The following BACE2 variants were observed in gnomAD, a reference collection of about 807,000 sequenced individuals.
BACE2 encodes the protein beta-secretase 2.
A neutral mutation model predicts 46.2 loss-of-function variants in BACE2; 17 were observed. The observed-to-expected ratio is 0.37, with a 90% CI of 0.25 to 0.55. The LOEUF is 0.55. BACE2 is among the 20% of genes least tolerant of loss of function. The pLI is 0.82. For synonymous variants in BACE2, 277 were observed against 295.9 expected (o/e 0.94, Z 0.66); for missense variants, 595 against 698.1 (o/e 0.85, Z 1.66).
intron 1 of BACE2, among the ~76,000 whole-genome samples, chr21:41,198,873 A>T (rs1055644774): frequency 3.3e-5 from 5 of 150,982 alleles, no homozygotes; most frequent in African/African-American, 1.2e-4. Context: ...TTATTTATTT[A>T]TTTATTTATT....
intron 1 of BACE2, among the ~76,000 whole-genome samples, chr21:41,189,808 T>A (rs1272365665): frequency 6.6e-6 from 1 of 152,164 alleles, no homozygotes; most frequent in Non-Finnish European, 1.5e-5. Context: ...CATAGACATA[T>A]AGATAAAGGG....
chr21:41,253,543 C>T (rs1343226753), intron 7 of BACE2, among the ~76,000 whole-genome samples: 1 of 151,842 alleles, frequency 6.6e-6, no homozygotes, highest in Non-Finnish European at 1.5e-5. Context: ...GTAATAATGT[C>T]AAAACCCAGC....
rs2088479213 is a variant in BACE2, at chr21:41,275,612, T to C, written c.1545T>C (p.His515=). The C allele has an allele frequency of 6.2e-7, 1 of 1,613,886 alleles. No individual in the cohort carries two copies. Among genetic ancestry groups the C allele is most frequent in the South Asian group, 1.1e-5 (1 of 91,062 alleles). Residue 515 remains histidine, a synonymous_variant, in exon 9 of 9, where the codon CAT becomes CAC. Coordinates refer to ENST00000330333, the MANE Select transcript of BACE2 (RefSeq NM_012105.5). ...VVNDESSLVR[H]RWK is the part of the protein sequence containing the mutation. ...ATGATGAGTCCTCTCTGGTCAGACA[T>C]CGCTGGAAATGAATAGCCAGGCCTG...
In BACE2 at chr21:41,241,845, C is replaced by A. The variant is rs779233833; in HGVS notation, c.645C>A (p.Phe215Leu). ...AKPSSSLETF[F>L]DSLVTQANIP... ...CATCAAGTTCTCTGGAGACCTTCTT[C>A]GACTCCCTGGTGACACAAGCAAACA... Residue 215 changes from phenylalanine (F) to leucine (L), a missense_variant, in exon 4 of 9, where the codon TTC becomes TTA. Physicochemically the swap from Phe to Leu is conservative, Grantham distance 22. Around this residue, in one of 3 missense-constraint regions of BACE2, gnomAD observed 343 missense variants for 419.4 expected, o/e 0.82. Transcript: ENST00000330333. 6.2e-7 allele frequency: 1 copy of A among 1,614,024 alleles called. No homozygotes were observed. The highest frequency in any genetic ancestry group is 8.5e-7 in the Non-Finnish European group (1 of 1,180,032).
intron 8 of BACE2, among the ~76,000 whole-genome samples, chr21:41,260,912 A>G (rs926475057): frequency 6.6e-6 from 1 of 152,130 alleles, no homozygotes; most frequent in African/African-American, 2.4e-5. Flanking sequence ...TTTTAAATTT[A>G]TAGGAATGCT....
Position 41,243,519 on chromosome 21 carries a change from G to C in BACE2, c.882+9G>C. 6 of 1,604,566 alleles carry C rather than the reference G, an allele frequency of 3.7e-6. No homozygotes were observed. The highest frequency in any genetic ancestry group is 5.1e-6 in the Non-Finnish European group (6 of 1,176,252). ...ATCTGGACTGCAGAGAGGTATTTAT[G>C]CTATGGTCTCTGTTGTGTCTTTCTG... On this transcript the variant is annotated intron_variant, in intron 5 of 8. Transcript: ENST00000330333.
intron 1 of BACE2, among the ~76,000 whole-genome samples, chr21:41,214,373 C>T (rs918368262): frequency 9.2e-5 from 14 of 152,162 alleles, no homozygotes; most frequent in African/African-American, 3.4e-4. Context: ...CCTACCCATC[C>T]GTGATGTGTG....
At chr21:41,241,974 C>T (rs770613524) in intron 4 of BACE2, 27 bp downstream of exon 4, 25 of 1,608,172 alleles carry the variant, frequency 1.6e-5, no homozygotes, top group Middle Eastern at 1.7e-4. Flanking sequence ...CTTAAAGGGG[C>T]GAAAAATCAC....
At chr21:41,260,766 A>T (rs75330983) in intron 8 of BACE2, among the ~76,000 whole-genome samples, 2,520 of 152,164 alleles carry the variant, frequency 0.017, 79 homozygotes, top group African/African-American at 0.058. Flanking sequence ...GCACAGAATG[A>T]CCCTGATATG....
intron 8 of BACE2, among the ~76,000 whole-genome samples, chr21:41,262,239 T>G (rs1366293135): frequency 6.6e-6 from 1 of 152,182 alleles, no homozygotes; most frequent in Non-Finnish European, 1.5e-5. Flanking sequence ...GCATTGATTT[T>G]GCATCATATT....
At chr21:41,246,160 C>T (rs1035066684) in intron 6 of BACE2, 97 bp downstream of exon 6, 18 of 805,294 alleles carry the variant, frequency 2.2e-5, no homozygotes, top group South Asian at 4.6e-5. Flanking sequence ...TGAACTATTG[C>T]GCCATGTATT....
chr21:41,200,964 G>A (rs554245045), intron 1 of BACE2, among the ~76,000 whole-genome samples: 1 of 152,158 alleles, frequency 6.6e-6, no homozygotes, highest in Non-Finnish European at 1.5e-5. Flanking sequence ...GCCCTGACTG[G>A]GTTCAAGCAT....
At chr21:41,251,383 C>T (rs74369256) in intron 7 of BACE2, among the ~76,000 whole-genome samples, 2,951 of 152,322 alleles carry the variant, frequency 0.019, 112 homozygotes, top group African/African-American at 0.066. Context: ...AGATGCCCCT[C>T]GCACTGGGAG....
chr21:41,272,324 C>T (rs1024231385), intron 8 of BACE2, among the ~76,000 whole-genome samples: 3 of 151,796 alleles, frequency 2.0e-5, no homozygotes, highest in Non-Finnish European at 4.4e-5. Flanking sequence ...GTCCTTTGGG[C>T]TTCTTGGGTC....
chr21:41,192,088 C>T (rs2123514372), intron 1 of BACE2, among the ~76,000 whole-genome samples: 1 of 152,344 alleles, frequency 6.6e-6, no homozygotes, highest in South Asian at 2.1e-4. Flanking sequence ...CGAAGTTCTG[C>T]CCACTGGGAA....
intron 1 of BACE2, among the ~76,000 whole-genome samples, chr21:41,215,272 G>A (rs1425768707): frequency 1.3e-5 from 2 of 152,184 alleles, no homozygotes; most frequent in Non-Finnish European, 2.9e-5. Flanking sequence ...TTTTTAGGAA[G>A]GCGAGAAGAA....
At chr21:41,217,650 C>A (rs561536317) in intron 1 of BACE2, among the ~76,000 whole-genome samples, 1 of 152,220 alleles carries the variant, frequency 6.6e-6, no homozygotes, top group Non-Finnish European at 1.5e-5. Flanking sequence ...TTGGAGCCCC[C>A]TCCCAGTGAT....
At chr21:41,169,229 T>C (rs1203522074) in intron 1 of BACE2, among the ~76,000 whole-genome samples, 1 of 151,000 alleles carries the variant, frequency 6.6e-6, no homozygotes, top group Non-Finnish European at 1.5e-5. Flanking sequence ...GCCCTGCCCC[T>C]CTGCACGGAG....
At position 41,275,421 on chromosome 21, in the gene BACE2, G is replaced by A. The variant is rs777251337; in HGVS notation, c.1354G>A (p.Asp452Asn). 6 of 1,614,078 alleles carry A rather than the reference G, an allele frequency of 3.7e-6. No individual in the cohort carries two copies. Among genetic ancestry groups the A allele is most frequent in the East Asian group, 2.2e-5 (1 of 44,904 alleles). The change falls in exon 9 of 9, where the codon GAT (aspartate) becomes AAT (asparagine). Residue 452 changes from aspartate (D) to asparagine (N), a missense_variant. Asp to Asn is a conservative substitution (Grantham distance 23). This residue lies in a region of BACE2 where 343 missense variants were observed against 419.4 expected (regional missense o/e 0.82). Transcript: ENST00000330333. ...AATTTCCGGGCCTTTCTCAACAGAG[G>A]ATGTAGCCAGCAACTGTGTCCCCGC... The part of the protein sequence containing the change: ...SEISGPFSTE[D>N]VASNCVPAQS...
Sources: allele counts gnomAD v4.1 joint callset (sites outside exome capture counted in the v4.1 genomes callset), GRCh38; gene constraint gnomAD v4.1.1; regional missense constraint gnomAD v4.1.1; transcripts MANE v1.5; gene names NCBI Gene and HGNC (gene_info 2026-07-23, HGNC 2026-07-21).